The following RGS7 variants were observed in gnomAD, a reference collection of about 807,000 sequenced individuals.
RGS7 encodes the protein regulator of G protein signaling 7.
Under a neutral mutation model 81.1 loss-of-function variants are expected in RGS7, and 27 were observed. That is an observed-to-expected ratio of 0.33 (90% confidence interval 0.25 to 0.46). RGS7 has a LOEUF of 0.46. RGS7 is among the 20% of genes least tolerant of loss of function. The pLI is 1.00. For synonymous variants in RGS7, 208 were observed against 207.7 expected (o/e 1.00, Z -0.01); for missense variants, 396 against 607.4 (o/e 0.65, Z 3.66).
rs151039163 is a variant in RGS7, at chr1:240,798,166, G to T, written c.*6+2475C>A. ...CAGGATTGTTGTGCATGCAAACAAT[G>T]ACCAAAACAACAACAAAACACACAA... On this transcript the variant is annotated intron_variant, in intron 18 of 18. Transcript: ENST00000440928. Among the ~76,000 whole-genome samples the T allele has an allele frequency of 5.6e-3, 845 of 152,154 alleles. 5 individuals are homozygous for T. The highest frequency in any genetic ancestry group is 0.019 in the African/African-American group (791 of 41,500).
intron 2 of RGS7, among the ~76,000 whole-genome samples, chr1:241,165,786 T>TA (rs1169374888): frequency 4.6e-5 from 5 of 107,542 alleles, no homozygotes; most frequent in African/African-American, 1.1e-4. Context: ...ATAATAATAA[T>TA]AAAAAAAAAA....
intron 3 of RGS7, among the ~76,000 whole-genome samples, chr1:241,055,424 T>C (rs922608004): frequency 2.6e-5 from 4 of 152,130 alleles, no homozygotes; most frequent in Admixed American, 6.6e-5. Flanking sequence ...CTTATGGTCA[T>C]TCATTATTAT....
At chr1:241,093,464 A>G (rs1018442555) in intron 3 of RGS7, among the ~76,000 whole-genome samples, 1 of 152,202 alleles carries the variant, frequency 6.6e-6, no homozygotes, top group Non-Finnish European at 1.5e-5. Flanking sequence ...TAGTTACTGG[A>G]ACATAGTGAG....
At chr1:241,030,485 T>G (rs2060031240) in intron 3 of RGS7, among the ~76,000 whole-genome samples, 1 of 109,440 alleles carries the variant, frequency 9.1e-6, no homozygotes, top group African/African-American at 3.5e-5. Flanking sequence ...ATGGTATGTA[T>G]ATAGATGTAC....
At chr1:240,904,571 G>T (rs1670527534) in intron 6 of RGS7, among the ~76,000 whole-genome samples, 1 of 151,994 alleles carries the variant, frequency 6.6e-6, no homozygotes. Context: ...TTGCCCAGAG[G>T]GATTAATCAA....
In RGS7 at chr1:241,094,621, A is replaced by C. The variant is rs74150213; in HGVS notation, c.175+4045T>G. On this transcript the variant is annotated intron_variant, in intron 3 of 18. Transcript: ENST00000440928. Reference sequence around the variant, plus strand: ...ACAACTCTAAAACCAAAACAAAAACAAAAACAAAAACAAAGAAAAGTCTTA... The same window carrying C: ...ACAACTCTAAAACCAAAACAAAAACCAAAACAAAAACAAAGAAAAGTCTTA... Among the ~76,000 whole-genome samples, 1,102 of 117,086 alleles carry C rather than the reference A, an allele frequency of 9.4e-3. 10 individuals are homozygous for C. The highest frequency in any genetic ancestry group is 0.035 in the African/African-American group (1,026 of 29,494). 76.8% of individuals were successfully genotyped at this position (117,086 alleles called of 152,430 possible). A position where few individuals can be genotyped will look rare whatever the true frequency, so the allele number is the denominator to read the frequency against.
chr1:241,332,863 TAGG>T (rs2082044166), intron 2 of RGS7, among the ~76,000 whole-genome samples: 2 of 152,072 alleles, frequency 1.3e-5, no homozygotes, highest in African/African-American at 2.4e-5. Context: ...CAGAACCACC[TAGG>T]AGGGTGTCTG....
At chr1:241,185,443 A>G (rs1226088901) in intron 2 of RGS7, among the ~76,000 whole-genome samples, 2 of 152,166 alleles carry the variant, frequency 1.3e-5, no homozygotes, top group African/African-American at 4.8e-5. Flanking sequence ...TAGAACAAAT[A>G]AAAAATAGGT....
intron 2 of RGS7, among the ~76,000 whole-genome samples, chr1:241,232,719 T>C (rs950364500): frequency 6.6e-6 from 1 of 151,850 alleles, no homozygotes; most frequent in Non-Finnish European, 1.5e-5. Flanking sequence ...GGGATTGGGT[T>C]GAATCTGCAG....
At chr1:240,998,317 G>A (rs1687602567) in intron 3 of RGS7, 1 of 420,134 alleles carries the variant, frequency 2.4e-6, no homozygotes, top group African/African-American at 2.0e-5. Flanking sequence ...ATCCTATTTG[G>A]GCTTCTCTCA....
intron 3 of RGS7, among the ~76,000 whole-genome samples, chr1:240,992,155 G>A (rs1017683599): frequency 6.6e-6 from 1 of 152,166 alleles, no homozygotes; most frequent in African/African-American, 2.4e-5. Context: ...TCCAATTCCG[G>A]AAATTTCCCA....
At chr1:241,069,394 C>T (rs1177867306) in intron 3 of RGS7, among the ~76,000 whole-genome samples, 1 of 152,102 alleles carries the variant, frequency 6.6e-6, no homozygotes, top group Non-Finnish European at 1.5e-5. Flanking sequence ...CCAGATACTC[C>T]AATAGCTCAG....
At chr1:241,182,508 T>A (rs996882674) in intron 2 of RGS7, among the ~76,000 whole-genome samples, 1 of 152,216 alleles carries the variant, frequency 6.6e-6, no homozygotes, top group Non-Finnish European at 1.5e-5. Flanking sequence ...CACGCTCAGG[T>A]GCCAGCATAG....
In RGS7 at chr1:241,121,710, C is replaced by CTTTTTTTTTTTTT. The variant is rs10681773; in HGVS notation, c.79-22961_79-22949dup. The stretch of plus-strand genomic sequence containing the variant: ...TCTATCCACCTGTGTTGCAATTGTT[C>CTTTTTTTTTTTTT]TTTTTTTTTTTTTTTTTTTTTTTTT... On this transcript the variant is annotated intron_variant, in intron 2 of 18. Coordinates refer to ENST00000440928, the MANE Select transcript of RGS7 (RefSeq NM_001364886.1). Among the ~76,000 whole-genome samples the CTTTTTTTTTTTTT allele has an allele frequency of 5.0e-4, 33 of 66,402 alleles. 3 individuals carry two copies. Among genetic ancestry groups the CTTTTTTTTTTTTT allele is most frequent in the Non-Finnish European group, 6.4e-4 (24 of 37,676 alleles). 43.6% of individuals were successfully genotyped at this position (66,402 alleles called of 152,430 possible).
chr1:240,813,457 A>C (rs1690250677), intron 13 of RGS7, among the ~76,000 whole-genome samples, 161 bp downstream of exon 13: 1 of 151,910 alleles, frequency 6.6e-6, no homozygotes, highest in African/African-American at 2.4e-5. Context: ...CAAATGTCTA[A>C]GTTTCAAAAG....
intron 14 of RGS7, among the ~76,000 whole-genome samples, chr1:240,810,997 T>C (rs1296815492): frequency 6.6e-6 from 1 of 152,208 alleles, no homozygotes; most frequent in Non-Finnish European, 1.5e-5. Context: ...GCGACATGTG[T>C]CAGCGTCCTA....
At chr1:241,208,059 C>T (rs923914343) in intron 2 of RGS7, among the ~76,000 whole-genome samples, 2 of 152,160 alleles carry the variant, frequency 1.3e-5, no homozygotes, top group South Asian at 2.1e-4. Flanking sequence ...GCGCCCGCCA[C>T]TGTGCCTGGC....
At chr1:241,212,299 A>C (rs2147931892) in intron 2 of RGS7, among the ~76,000 whole-genome samples, 1 of 152,204 alleles carries the variant, frequency 6.6e-6, no homozygotes, top group South Asian at 2.1e-4. Flanking sequence ...CTGTATCACT[A>C]GTCAAGTGTT....
chr1:240,779,842 TA>T (rs1367742561), intron 18 of RGS7, among the ~76,000 whole-genome samples: 1 of 152,210 alleles, frequency 6.6e-6, no homozygotes, highest in Admixed American at 6.5e-5. Context: ...CGTTGGCTAT[TA>T]CCTCATTATA....
Sources: allele counts gnomAD v4.1 joint callset (sites outside exome capture counted in the v4.1 genomes callset), GRCh38; gene constraint gnomAD v4.1.1; transcripts MANE v1.5; gene names NCBI Gene and HGNC (gene_info 2026-07-23, HGNC 2026-07-21).